Variants in PDLIM5 observed in about 807,000 individuals in gnomAD.
The protein encoded by PDLIM5 is PDZ and LIM domain protein 5.
In PDLIM5, 34 loss-of-function variants were observed where a neutral mutation model predicts 64.2. The observed-to-expected ratio is 0.53, with a 90% CI of 0.40 to 0.71. The LOEUF is 0.71. Among genes scored for constraint, PDLIM5 ranks in the 30% least tolerant of loss-of-function variants. PDLIM5 has a pLI of 0.00. For missense variants in PDLIM5, 683 were observed against 733.6 expected, an observed-to-expected ratio of 0.93 and a Z score of 0.80; for synonymous variants, 253 against 269.1, an observed-to-expected ratio of 0.94 and a Z score of 0.59.
Position 94,576,069 on chromosome 4 carries a change from A to C in PDLIM5, c.710+35A>C, listed in dbSNP as rs1413320312. The C allele has an allele frequency of 2.6e-6, 4 of 1,544,200 alleles. No homozygotes were observed. The African/African-American group carries it at 5.5e-5, about 21-fold the overall frequency. ...TAAGGTGCTTTCTGCTCTTACTAAAACTCTTCTTTCAGGTAATTTCCAGGA... is the reference window on the plus strand; with the variant it reads ...TAAGGTGCTTTCTGCTCTTACTAAACCTCTTCTTTCAGGTAATTTCCAGGA... On this transcript the variant is annotated intron_variant, in intron 5 of 12. Coordinates refer to ENST00000317968, the MANE Select transcript of PDLIM5 (RefSeq NM_006457.5).
At chr4:94,533,966 A>G (rs1731106570) in intron 3 of PDLIM5, among the ~76,000 whole-genome samples, 1 of 152,192 alleles carries the variant, frequency 6.6e-6, no homozygotes, top group African/African-American at 2.4e-5. Context: ...GATGTAATTA[A>G]AGCTTTTTCG....
At chr4:94,519,293 G>C (rs571620590) in intron 2 of PDLIM5, among the ~76,000 whole-genome samples, 1 of 152,278 alleles carries the variant, frequency 6.6e-6, no homozygotes, top group East Asian at 1.9e-4. Flanking sequence ...GTGACATTGT[G>C]TAAGAATAAA....
chr4:94,455,228 A>T lies in PDLIM5; in HGVS notation c.-42-19A>T. On this transcript the variant is annotated intron_variant, in intron 1 of 12. Transcript: ENST00000317968. ...TTTCAAGTAAACATTTTTGCTAATCATCTGATTTTCTTTCACAGCATATTT... is the reference window on the plus strand; with the variant it reads ...TTTCAAGTAAACATTTTTGCTAATCTTCTGATTTTCTTTCACAGCATATTT... 2.0e-6 allele frequency: 2 copies of T among 984,688 alleles called. No individual in the cohort carries two copies. Among genetic ancestry groups the T allele is most frequent in the Non-Finnish European group, 3.2e-6 (2 of 623,694 alleles). The allele number at this position is 984,688 out of a possible 1,614,324, so 61.0% of individuals were successfully genotyped here.
At position 94,471,052 on chromosome 4, in the gene PDLIM5, G is replaced by C. The variant is rs546933739; in HGVS notation, c.96+15668G>C. Among the ~76,000 whole-genome samples, 5 of 152,198 alleles carry C rather than the reference G, an allele frequency of 3.3e-5. No homozygotes were observed. The East Asian group carries it at 9.7e-4, about 29-fold the overall frequency. On this transcript the variant is annotated intron_variant, in intron 2 of 12. Transcript: ENST00000317968. ...TCGTGAGACTTTTTCACTATCATGA[G>C]AGCAGCATGGCAAAGACCCGCCCCC...
At position 94,555,499 on chromosome 4, in the gene PDLIM5, T is replaced by C. The variant is rs181320309; in HGVS notation, c.249-17852T>C. On this transcript the variant is annotated intron_variant, in intron 3 of 12. Transcript: ENST00000317968. Reference sequence around the variant, plus strand: ...AAATTTGTCAAATGTTATTTCATTATAGATTTGTCATCTAGTAGAATTGAG... The same window carrying C: ...AAATTTGTCAAATGTTATTTCATTACAGATTTGTCATCTAGTAGAATTGAG... Among the ~76,000 whole-genome samples, 330 of 152,364 alleles carry C rather than the reference T, an allele frequency of 2.2e-3. 1 individual carries two copies. The highest frequency in any genetic ancestry group is 7.2e-3 in the African/African-American group (298 of 41,588).
Position 94,664,258 on chromosome 4 carries a change from A to G in PDLIM5, c.*191A>G. 9.5e-7 allele frequency: 1 copy of G among 1,049,662 alleles called. No individual in the cohort carries two copies. Among genetic ancestry groups the G allele is most frequent in the Non-Finnish European group, 1.2e-6 (1 of 841,684 alleles). 65.0% of individuals were successfully genotyped at this position (1,049,662 alleles called of 1,614,324 possible). Reference sequence around the variant, plus strand: ...TCATAAAGTAAAGAGACGGTTTGGCATTTATTATTACTTTTTCCTGTATTT... The same window carrying G: ...TCATAAAGTAAAGAGACGGTTTGGCGTTTATTATTACTTTTTCCTGTATTT... On this transcript the variant is annotated 3_prime_UTR_variant, in exon 13 of 13. Coordinates refer to ENST00000317968, the MANE Select transcript of PDLIM5 (RefSeq NM_006457.5).
chr4:94,635,750 G>T (rs1740509157), intron 8 of PDLIM5, among the ~76,000 whole-genome samples: 1 of 152,224 alleles, frequency 6.6e-6, no homozygotes, highest in African/African-American at 2.4e-5. Flanking sequence ...GCAGAGACTA[G>T]GAGGCTAGCA....
At chr4:94,638,805 T>C (rs1339639501) in intron 8 of PDLIM5, among the ~76,000 whole-genome samples, 1 of 152,238 alleles carries the variant, frequency 6.6e-6, no homozygotes, top group Non-Finnish European at 1.5e-5. Flanking sequence ...ATTCATTCAC[T>C]TTTGTATTGA....
chr4:94,624,059 C>A (rs952029771), intron 8 of PDLIM5, among the ~76,000 whole-genome samples: 12 of 151,726 alleles, frequency 7.9e-5, no homozygotes, highest in African/African-American at 2.9e-4. Flanking sequence ...ACCTGTAATC[C>A]CAATAGTGTG....
intron 3 of PDLIM5, among the ~76,000 whole-genome samples, chr4:94,555,648 C>T (rs1733228106): frequency 6.6e-6 from 1 of 151,866 alleles, no homozygotes; most frequent in Non-Finnish European, 1.5e-5. Context: ...TGAATTTCCC[C>T]ATGAAAGTAC....
chr4:94,637,514 G>A (rs574895076), intron 8 of PDLIM5, among the ~76,000 whole-genome samples: 5 of 152,274 alleles, frequency 3.3e-5, no homozygotes, highest in African/African-American at 9.6e-5. Flanking sequence ...AGCAGAGATC[G>A]TGCCGTTGCA....
intron 5 of PDLIM5, among the ~76,000 whole-genome samples, chr4:94,581,960 T>C (rs1487330161): frequency 6.6e-6 from 1 of 152,172 alleles, no homozygotes; most frequent in Non-Finnish European, 1.5e-5. Flanking sequence ...GCTATGGAAT[T>C]CCCACAAATC....
intron 3 of PDLIM5, among the ~76,000 whole-genome samples, chr4:94,535,741 G>T (rs1477557773): frequency 2.0e-5 from 3 of 151,836 alleles, no homozygotes; most frequent in Non-Finnish European, 2.9e-5. Flanking sequence ...TTAAACACTT[G>T]CTGTGTGGAT....
At chr4:94,654,782 G>A (rs1742086936) in intron 10 of PDLIM5, 142 bp downstream of exon 10, 1 of 601,034 alleles carries the variant, frequency 1.7e-6, no homozygotes, top group East Asian at 2.8e-5. Context: ...TTATTGTAAA[G>A]CAAAACTAAA....
At chr4:94,628,430 TAAG>T (rs1041323525) in intron 8 of PDLIM5, among the ~76,000 whole-genome samples, 1 of 152,230 alleles carries the variant, frequency 6.6e-6, no homozygotes, top group African/African-American at 2.4e-5. Flanking sequence ...AATAGAAATT[TAAG>T]GAGTATCCCA....
chr4:94,471,151 G>A (rs1272800899), intron 2 of PDLIM5, among the ~76,000 whole-genome samples: 1 of 152,188 alleles, frequency 6.6e-6, no homozygotes, highest in Non-Finnish European at 1.5e-5. Context: ...TGAGATTTGG[G>A]TGGGAACACA....
chr4:94,574,970 T>A (rs901286571), intron 4 of PDLIM5, among the ~76,000 whole-genome samples: 2 of 151,796 alleles, frequency 1.3e-5, no homozygotes, highest in Non-Finnish European at 2.9e-5. Context: ...AAAGAAAGGA[T>A]TTTGTTTTAT....
intron 3 of PDLIM5, among the ~76,000 whole-genome samples, chr4:94,569,393 C>T (rs1202198687): frequency 6.6e-6 from 1 of 152,188 alleles, no homozygotes; most frequent in East Asian, 1.9e-4. Flanking sequence ...AATCTCGGCT[C>T]ACTGCAACCT....
rs950984506 is a variant in PDLIM5, at chr4:94,667,740, A to G, written c.*3673A>G. ...AAAAACAAATGGAAATAACAGCTCA[A>G]ATCTTCAAAATATTACTATAGCATT... is the stretch of plus-strand genomic sequence containing the variant. On this transcript the variant is annotated 3_prime_UTR_variant, in exon 13 of 13. Coordinates refer to ENST00000317968, the MANE Select transcript of PDLIM5 (RefSeq NM_006457.5). 1 of 152,204 alleles carries G rather than the reference A, an allele frequency of 6.6e-6. No homozygotes were observed. The allele number at this position is 152,204 out of a possible 1,614,324, so 9.4% of individuals were successfully genotyped here.
Sources: allele counts gnomAD v4.1 joint callset (sites outside exome capture counted in the v4.1 genomes callset), GRCh38; gene constraint gnomAD v4.1.1; transcripts MANE v1.5; gene names NCBI Gene and HGNC (gene_info 2026-07-23, HGNC 2026-07-21).